The following AIFM1 variants were observed in gnomAD, a reference collection of about 807,000 sequenced individuals.
AIFM1 encodes the protein apoptosis-inducing factor 1, mitochondrial.
Under a neutral mutation model 51.7 loss-of-function variants are expected in AIFM1, and 3 were observed. The observed-to-expected ratio is 0.06, with a 90% CI of 0.03 to 0.15. The LOEUF (loss-of-function observed/expected upper bound fraction) is 0.15, where lower values mean the gene tolerates loss of function less well. AIFM1 is among the 10% of genes least tolerant of loss of function. The pLI is 1.00. For missense variants in AIFM1, 330 were observed against 476.8 expected (o/e 0.69, Z 2.87); for synonymous variants, 178 against 179.4 (o/e 0.99, Z 0.06).
intron 12 of AIFM1, among the ~76,000 whole-genome samples, chrX:130,135,439 T>TTAAAAA (rs33994471): frequency 2.6e-4 from 19 of 72,941 alleles, no homozygotes; most frequent in African/African-American, 1.1e-3. Context: ...TTTTTTTTTT[T>TTAAAAA]AAAAAAAAAA....
At chrX:130,158,253 A>G (rs1022907787) in intron 1 of AIFM1, among the ~76,000 whole-genome samples, 17 of 111,631 alleles carry the variant, frequency 1.5e-4, no homozygotes, top group South Asian at 3.7e-4. Flanking sequence ...AACGAGAGCG[A>G]AACTCCATTT....
rs1375125488 is a variant in AIFM1, at chrX:130,130,047, T to C, written c.1693A>G (p.Ile565Val). 8.3e-6 allele frequency: 10 copies of C among 1,211,863 alleles called. No homozygotes were observed. Among genetic ancestry groups the C allele is most frequent in the Admixed American group, 2.2e-5 (1 of 45,989 alleles). ...VQGEDYGKGV[I>V]FYLRDKVVVG... ...ACCACTTTGTCCCTGAGGTAGAAGA[T>C]GACACCTTTGCCGTAGTCCTCCCCC... The change falls in exon 15 of 16, where the codon ATC (isoleucine) becomes GTC (valine). Residue 565 changes from isoleucine to valine, a missense_variant. Transcript: ENST00000287295.
At chrX:130,141,258 G>A (rs760204221) in intron 6 of AIFM1, among the ~76,000 whole-genome samples, 2 of 112,061 alleles carry the variant, frequency 1.8e-5, no homozygotes, top group African/African-American at 3.2e-5. Flanking sequence ...AAGTAATCAT[G>A]GGAACCACAG....
intron 1 of AIFM1, among the ~76,000 whole-genome samples, chrX:130,165,346 G>A (rs1345079409): frequency 8.9e-6 from 1 of 112,292 alleles, no homozygotes; most frequent in African/African-American, 3.2e-5. Flanking sequence ...CGACTACTGG[G>A]TTCAAATCTC....
intron 6 of AIFM1, among the ~76,000 whole-genome samples, chrX:130,140,980 G>C (rs2030555581): frequency 8.9e-6 from 1 of 112,129 alleles, no homozygotes; most frequent in African/African-American, 3.2e-5. Flanking sequence ...GCCAGGTGTG[G>C]CGGCATATGC....
chrX:130,145,813 G>A (rs1022154959), intron 5 of AIFM1, among the ~76,000 whole-genome samples: 2 of 111,842 alleles, frequency 1.8e-5, no homozygotes, highest in African/African-American at 3.2e-5. Context: ...AATCTGGGTT[G>A]TAATAACTTG....
rs762808288 is a variant in AIFM1 at position 130,131,790 on chromosome X, C to T, written c.1458G>A (p.Leu486=). 1.5e-4 allele frequency: 181 copies of T among 1,209,924 alleles called. No homozygotes were observed. In the South Asian group the frequency reaches 3.1e-3, roughly 21 times the overall value. The change falls in exon 14 of 16, where the codon TTG becomes TTA. Residue 486 remains leucine (L), a synonymous_variant. Coordinates refer to ENST00000287295, the MANE Select transcript of AIFM1 (RefSeq NM_004208.4). The stretch of plus-strand genomic sequence containing the variant: ...TAGCTTCATAGCCAACATCGGGGCC[C>T]AAATCACTCCTAAGAAGAGAGAAGA... The part of the protein sequence containing the change: ...YWHQSMFWSD[L]GPDVGYEAIG...
Position 130,147,601 on chromosome X carries a change from G to A in AIFM1, c.497C>T (p.Pro166Leu), listed in dbSNP as rs193920813. Residue 166 changes from proline to leucine, a missense_variant, in exon 5 of 16, where the codon CCT (proline) becomes CTT (leucine). Transcript: ENST00000287295. ...AGGAGGTCGCATGTACGGCAGCTCA[G>A]GATCTTCAGATACAATCAGTACCTT... ...GARVLIVSED[P>L]ELPYMRPPLS... is the part of the protein sequence containing the mutation. The A allele has an allele frequency of 8.3e-7, 1 of 1,212,028 alleles. No homozygotes were observed. Among genetic ancestry groups the A allele is most frequent in the Non-Finnish European group, 1.1e-6 (1 of 895,602 alleles).
At chrX:130,148,905 GC>G (rs2030855239) in intron 3 of AIFM1, among the ~76,000 whole-genome samples, 1 of 91,732 alleles carries the variant, frequency 1.1e-5, no homozygotes. Context: ...TCCTTGCTAA[GC>G]TTGCCTTTTA....
At chrX:130,158,704 T>TAAA (rs56253125) in intron 1 of AIFM1, among the ~76,000 whole-genome samples, 5 of 44,064 alleles carry the variant, frequency 1.1e-4, no homozygotes, top group African/African-American at 4.5e-4. Context: ...GCTGATGAGC[T>TAAA]AAAAAAAAAA....
chrX:130,140,173 C>T (rs1229922562), intron 7 of AIFM1, among the ~76,000 whole-genome samples: 1 of 112,618 alleles, frequency 8.9e-6, no homozygotes, highest in African/African-American at 3.2e-5. Flanking sequence ...TGCCAGCTAG[C>T]ATAGCTACAT....
intron 3 of AIFM1, 89 bp from the exon 4 acceptor site, chrX:130,147,965 C>T: frequency 1.8e-6 from 2 of 1,101,103 alleles, no homozygotes; most frequent in East Asian, 3.0e-5. Context: ...TTGCACTTGT[C>T]TCAATCCTCC....
chrX:130,137,313 G>C, intron 9 of AIFM1, 128 bp from the exon 10 acceptor site: 2 of 1,182,661 alleles, frequency 1.7e-6, no homozygotes, highest in Non-Finnish European at 2.3e-6. Flanking sequence ...CAGGCCGAGC[G>C]CCCACTTACA....
Position 130,149,318 on chromosome X carries a change from C to A in AIFM1, c.349+151G>T, listed in dbSNP as rs772598417. The A allele has an allele frequency of 1.1e-4, 54 of 508,369 alleles. No homozygotes were observed. The African/African-American group carries it at 1.1e-3, about 10-fold the overall frequency. The allele number at this position is 508,369 out of a possible 1,213,427, so 41.9% of individuals were successfully genotyped here. Reference sequence around the variant, plus strand: ...TTCAGCCAAATGCTTTAAATCACTCCCAGTTCTAGGGTAATACCATACTTT... The same window carrying A: ...TTCAGCCAAATGCTTTAAATCACTCACAGTTCTAGGGTAATACCATACTTT... On this transcript the variant is annotated intron_variant, in intron 3 of 15. Transcript: ENST00000287295.
intron 1 of AIFM1, among the ~76,000 whole-genome samples, chrX:130,160,726 A>G (rs915550339): frequency 1.8e-5 from 2 of 110,890 alleles, no homozygotes; most frequent in African/African-American, 6.6e-5. Flanking sequence ...ATAACTGAAC[A>G]TTTTAAATAA....
intron 5 of AIFM1, among the ~76,000 whole-genome samples, chrX:130,146,451 A>ATATGTG (rs1211366586): frequency 1.1e-5 from 1 of 89,435 alleles, no homozygotes; most frequent in African/African-American, 4.2e-5. Context: ...CTCTCAAAAT[A>ATATGTG]TGTGTGTGTG....
At chrX:130,161,156 AAG>A (rs1407023407) in intron 1 of AIFM1, among the ~76,000 whole-genome samples, 1 of 111,203 alleles carries the variant, frequency 9.0e-6, no homozygotes, top group African/African-American at 3.3e-5. Context: ...CTAAATGGTT[AAG>A]AGATCTATAC....
chrX:130,147,085 C>T (rs1264986157), intron 5 of AIFM1, among the ~76,000 whole-genome samples: 2 of 111,545 alleles, frequency 1.8e-5, no homozygotes, highest in African/African-American at 3.3e-5. Flanking sequence ...TTGCTTGAAC[C>T]CGGGAGGTGG....
At chrX:130,136,511 C>T (rs1047240766) in intron 11 of AIFM1, 132 bp downstream of exon 11, 15 of 626,937 alleles carry the variant, frequency 2.4e-5, no homozygotes, top group South Asian at 2.2e-4. Context: ...ATGGTTAATT[C>T]GGAAAATTAT....
Sources: allele counts gnomAD v4.1 joint callset (sites outside exome capture counted in the v4.1 genomes callset), GRCh38; gene constraint gnomAD v4.1.1; transcripts MANE v1.5; gene names NCBI Gene and HGNC (gene_info 2026-07-23, HGNC 2026-07-21).